Variants in ITPR3 observed in about 807,000 individuals in gnomAD.
ITPR3 encodes the protein inositol 1,4,5-trisphosphate receptor type 3.
In ITPR3, 173 loss-of-function variants were observed where a neutral mutation model predicts 293.2. The ratio of observed to expected loss-of-function variants is 0.59; its 90% CI spans 0.52 to 0.67. ITPR3 has a LOEUF of 0.67. Among genes scored for constraint, ITPR3 ranks in the 30% least tolerant of loss-of-function variants. The pLI, the probability that ITPR3 is intolerant of heterozygous loss-of-function variation, is 0.00. For missense variants in ITPR3, 2,796 were observed against 3,592.1 expected, an observed-to-expected ratio of 0.78 and a Z score of 5.66; for synonymous variants, 1,295 against 1,444.4, an observed-to-expected ratio of 0.90 and a Z score of 2.35.
In ITPR3 at chr6:33,668,686, G is replaced by C. The variant is rs776786036; in HGVS notation, c.2006+52G>C. ...TTGGGCTCCACGCTGCTGACCCCCAGCTGTCTTAGAGCTTAGGCCCTGTCT... is the reference window on the plus strand; with the variant it reads ...TTGGGCTCCACGCTGCTGACCCCCACCTGTCTTAGAGCTTAGGCCCTGTCT... On this transcript the variant is annotated intron_variant, in intron 17 of 57. Coordinates refer to ENST00000605930, the MANE Select transcript of ITPR3 (RefSeq NM_002224.4). 4 of 1,612,070 alleles carry C rather than the reference G, an allele frequency of 2.5e-6. No homozygotes were observed. In the Admixed American group the frequency reaches 5.0e-5, roughly 20 times the overall value.
In ITPR3 at chr6:33,691,965, C is replaced by G; in HGVS notation, c.7458+37C>G. Reference sequence around the variant, plus strand: ...TGCCCACTCCCAAACCTGTGGGGCCCAAGCCACTGTCCAGATCAGCAACTG... The same window carrying G: ...TGCCCACTCCCAAACCTGTGGGGCCGAAGCCACTGTCCAGATCAGCAACTG... On this transcript the variant is annotated intron_variant, in intron 54 of 57. Coordinates refer to ENST00000605930, the MANE Select transcript of ITPR3 (RefSeq NM_002224.4). The surrounding 1 kb of genome is among the most constrained non-coding windows in gnomAD (Gnocchi z 4.9). The G allele has an allele frequency of 6.2e-7, 1 of 1,608,156 alleles. No homozygotes were observed. Among genetic ancestry groups the G allele is most frequent in the Non-Finnish European group, 8.5e-7 (1 of 1,178,880 alleles).
chr6:33,656,031 C>T, intron 3 of ITPR3, 144 bp downstream of exon 3: 1 of 1,088,918 alleles, frequency 9.2e-7, no homozygotes, highest in South Asian at 1.6e-5. Context: ...TGACAGTTCA[C>T]ACCTGTAATT....
At chr6:33,690,778 C>G in intron 51 of ITPR3, 139 bp from the exon 52 acceptor site, 1 of 717,862 alleles carries the variant, frequency 1.4e-6, no homozygotes, top group South Asian at 1.9e-5. Context: ...TTGGATACGA[C>G]TAAGTGCAGA....
At chr6:33,685,588 CA>C (rs2127308086) in intron 40 of ITPR3, 54 bp from the exon 41 acceptor site, 1 of 1,594,356 alleles carries the variant, frequency 6.3e-7, no homozygotes, top group South Asian at 1.1e-5. Flanking sequence ...ATAAGATGTG[CA>C]GGGGGGTGGC....
intron 2 of ITPR3, 127 bp downstream of exon 2, chr6:33,640,681 A>C: frequency 1.4e-6 from 1 of 719,068 alleles, no homozygotes; most frequent in Non-Finnish European, 2.3e-6. Flanking sequence ...TGCAGACCTC[A>C]CTCTGCTGTC....
At chr6:33,636,306 A>C (rs1214502134) in intron 1 of ITPR3, among the ~76,000 whole-genome samples, 1 of 151,742 alleles carries the variant, frequency 6.6e-6, no homozygotes, top group Non-Finnish European at 1.5e-5. Flanking sequence ...TGTCTCAAAA[A>C]AATAAAAAAT....
rs971089341 is a variant in ITPR3 at position 33,667,346 on chromosome 6, C to T, written c.1713+56C>T. 5 of 1,564,334 alleles carry T rather than the reference C, an allele frequency of 3.2e-6. No homozygotes were observed. Among genetic ancestry groups the T allele is most frequent in the African/African-American group, 1.4e-5 (1 of 73,670 alleles). Reference sequence around the variant, plus strand: ...GGCTGCACGTTCCTTCCTCAGCAAGCGATTTCCTCAGGCACATGTGCTGTG... The same window carrying T: ...GGCTGCACGTTCCTTCCTCAGCAAGTGATTTCCTCAGGCACATGTGCTGTG... On this transcript the variant is annotated intron_variant, in intron 15 of 57. Coordinates refer to ENST00000605930, the MANE Select transcript of ITPR3 (RefSeq NM_002224.4). This position sits in a 1 kb window ranked among gnomAD's most constrained non-coding sequence, Gnocchi z 4.4.
intron 33 of ITPR3, among the ~76,000 whole-genome samples, chr6:33,681,530 C>T (rs1332225692): frequency 3.9e-5 from 6 of 152,188 alleles, no homozygotes; most frequent in Non-Finnish European, 8.8e-5. Context: ...TTCCCAGACT[C>T]GAGCCAGTGC....
chr6:33,644,088 G>A (rs1284886579), intron 2 of ITPR3, among the ~76,000 whole-genome samples: 1 of 152,162 alleles, frequency 6.6e-6, no homozygotes, highest in Non-Finnish European at 1.5e-5. Context: ...TACTTGGTAA[G>A]CAGAGGCAGA....
chr6:33,657,780 G>A (rs1344695697), intron 3 of ITPR3, 152 bp from the exon 4 acceptor site: 1 of 626,188 alleles, frequency 1.6e-6, no homozygotes, highest in East Asian at 3.0e-5. Flanking sequence ...CAAGAGCTGG[G>A]GCAGGGGTCC....
chr6:33,641,151 C>T (rs887659503), intron 2 of ITPR3, among the ~76,000 whole-genome samples: 22 of 152,196 alleles, frequency 1.4e-4, no homozygotes, highest in African/African-American at 4.1e-4. Context: ...GTGGGCTCCT[C>T]GGGCCGCCCA....
rs1428216466 is a variant in ITPR3, at chr6:33,684,357, G to A, written c.4938G>A (p.Lys1646=). ...TGAGCTGCCTCCTTGGCCGGCTCAG[G>A]CTGATCCAGCACACCAAGGACCTCA... ...QRCESGGFLS[K]LIQHTKDLME... Residue 1646 remains lysine (K), a splice_region_variant and synonymous_variant, in exon 37 of 58, where the codon AAG becomes AAA. Coordinates refer to ENST00000605930, the MANE Select transcript of ITPR3 (RefSeq NM_002224.4). The surrounding 1 kb of genome is among the most constrained non-coding windows in gnomAD (Gnocchi z 4.2). The A allele has an allele frequency of 6.2e-6, 10 of 1,613,546 alleles. No individual in the cohort carries two copies. Among genetic ancestry groups the A allele is most frequent in the Admixed American group, 3.3e-5 (2 of 59,990 alleles).
Position 33,662,917 on chromosome 6 carries a change from C to T in ITPR3, c.865C>T (p.His289Tyr). 6.3e-7 allele frequency: 1 copy of T among 1,593,594 alleles called. No individual in the cohort carries two copies. The highest frequency in any genetic ancestry group is 1.1e-5 in the South Asian group (1 of 87,914). The stretch of plus-strand genomic sequence containing the variant: ...CACACCTGTGTGCCCCTAGGTGGTC[C>T]ACCACGACCCCTGCCGTGGAGGAGC... ...SNALWEVEVV[H>Y]HDPCRGGAGH... The change falls in exon 9 of 58, where the codon CAC becomes TAC. Residue 289 changes from histidine (H) to tyrosine (Y), a missense_variant. Physicochemically the swap from His to Tyr is moderately conservative, Grantham distance 83. This residue lies in a region of ITPR3 where 955 missense variants were observed against 1,180.8 expected (regional missense o/e 0.81). Coordinates refer to ENST00000605930, the MANE Select transcript of ITPR3 (RefSeq NM_002224.4).
At chr6:33,657,681 G>A (rs1258799352) in intron 3 of ITPR3, among the ~76,000 whole-genome samples, 1 of 151,994 alleles carries the variant, frequency 6.6e-6, no homozygotes, top group Non-Finnish European at 1.5e-5. Flanking sequence ...TGGCTGGGGA[G>A]GGTTAGGGAT....
chr6:33,629,814 C>A (rs140362998), intron 1 of ITPR3, among the ~76,000 whole-genome samples: 1 of 151,434 alleles, frequency 6.6e-6, no homozygotes, highest in African/African-American at 2.4e-5. Context: ...GATCCTAGGC[C>A]AGGCGCAGTG....
intron 31 of ITPR3, 84 bp downstream of exon 31, chr6:33,680,217 C>A: frequency 6.3e-7 from 1 of 1,579,292 alleles, no homozygotes; most frequent in Non-Finnish European, 8.6e-7. Context: ...GTGGGTGAAG[C>A]AAAGCCAGGG....
intron 3 of ITPR3, 53 bp from the exon 4 acceptor site, chr6:33,657,879 C>T (rs913861471): frequency 6.6e-7 from 1 of 1,505,690 alleles, no homozygotes; most frequent in African/African-American, 1.4e-5. Flanking sequence ...GGTATGTCTT[C>T]CTCTAGGAGC....
chr6:33,687,214 C>A lies in ITPR3; in HGVS notation c.6076-12C>A, dbSNP rs762507120. 5.0e-6 allele frequency: 8 copies of A among 1,606,128 alleles called. No individual in the cohort carries two copies. The East Asian group carries it at 1.6e-4, about 31-fold the overall frequency. On this transcript the variant is annotated splice_polypyrimidine_tract_variant and intron_variant, in intron 44 of 57. Coordinates refer to ENST00000605930, the MANE Select transcript of ITPR3 (RefSeq NM_002224.4). This position sits in a 1 kb window ranked among gnomAD's most constrained non-coding sequence, Gnocchi z 5.3. Reference sequence around the variant, plus strand: ...TAGGAAGAGAGCATTGGAACAGGCACTGCCCCTCCAGGTGGACGTCATCAA... The same window carrying A: ...TAGGAAGAGAGCATTGGAACAGGCAATGCCCCTCCAGGTGGACGTCATCAA...
In ITPR3 at chr6:33,684,145, CGA is replaced by C; in HGVS notation, c.4918_4919del (p.Ser1640TrpfsTer139). On this transcript the variant is annotated frameshift_variant, in exon 36 of 58. Coordinates refer to ENST00000605930, the MANE Select transcript of ITPR3 (RefSeq NM_002224.4). LOFTEE classifies it high-confidence loss of function. The surrounding 1 kb of genome is among the most constrained non-coding windows in gnomAD (Gnocchi z 4.2). ...AGGGCAGTGAGGCCTACCAGCGCTGCGAGAGTGGGGGCTTCCTGTCCAAGTGA... is the reference window on the plus strand; with the variant it reads ...AGGGCAGTGAGGCCTACCAGCGCTGCGAGTGGGGGCTTCCTGTCCAAGTGA... ...LEGSEAYQRC[E>X]SGGFLSKLIQ... 6.2e-7 allele frequency: 1 copy of C among 1,610,798 alleles called. No homozygotes were observed. The highest frequency in any genetic ancestry group is 8.5e-7 in the Non-Finnish European group (1 of 1,179,788).
Sources: gnomAD v4.1 joint callset for allele counts (sites outside exome capture counted in the v4.1 genomes callset) on GRCh38, gnomAD v4.1.1 for gene constraint, gnomAD v4.1.1 regional missense constraint, Gnocchi (gnomAD v3.1) non-coding constraint, MANE v1.5 for transcripts, NCBI Gene and HGNC (gene_info 2026-07-23, HGNC 2026-07-21) for gene names.